Variants in CCSER2 observed in about 807,000 individuals in gnomAD.
The protein encoded by CCSER2 is serine-rich coiled-coil domain-containing protein 2.
Under a neutral mutation model 92.3 loss-of-function variants are expected in CCSER2, and 46 were observed. The observed-to-expected ratio is 0.50, with a 90% CI of 0.39 to 0.64. CCSER2 has a LOEUF of 0.64. Among genes scored for constraint, CCSER2 ranks in the 30% least tolerant of loss-of-function variants. The pLI, the probability that CCSER2 is intolerant of heterozygous loss-of-function variation, is 0.00. For synonymous variants in CCSER2, 433 were observed against 431.4 expected (o/e 1.00, Z -0.04); for missense variants, 1,244 against 1,238.9 (o/e 1.00, Z -0.06).
chr10:84,472,846 T>A (rs1846899826), intron 8 of CCSER2, among the ~76,000 whole-genome samples: 1 of 152,208 alleles, frequency 6.6e-6, no homozygotes, highest in Non-Finnish European at 1.5e-5. Context: ...CAATTAATAG[T>A]AATTCCTTAA....
At chr10:84,509,385 T>C (rs1446472708) in intron 9 of CCSER2, among the ~76,000 whole-genome samples, 1 of 152,102 alleles carries the variant, frequency 6.6e-6, no homozygotes, top group Non-Finnish European at 1.5e-5. Context: ...TAACGAAAAA[T>C]GAATAAAGCA....
chr10:84,358,259 T>A (rs942994710), intron 1 of CCSER2, among the ~76,000 whole-genome samples: 1 of 152,200 alleles, frequency 6.6e-6, no homozygotes, highest in Non-Finnish European at 1.5e-5. Context: ...AAAGAGTTGG[T>A]CAGTTCAGAG....
At chr10:84,378,355 G>A (rs887535698) in intron 3 of CCSER2, among the ~76,000 whole-genome samples, 7 of 150,854 alleles carry the variant, frequency 4.6e-5, no homozygotes, top group African/African-American at 1.2e-4. Flanking sequence ...TCACTTGGTC[G>A]TGATGTATTA....
At chr10:84,462,835 T>G (rs1589734215) in intron 6 of CCSER2, among the ~76,000 whole-genome samples, 1 of 152,326 alleles carries the variant, frequency 6.6e-6, no homozygotes, top group Admixed American at 6.5e-5. Flanking sequence ...ATAACCTGCA[T>G]GCTCACCTCC....
intron 1 of CCSER2, among the ~76,000 whole-genome samples, chr10:84,356,470 GCA>G (rs1383186956): frequency 1.3e-5 from 2 of 152,118 alleles, no homozygotes; most frequent in African/African-American, 4.8e-5. Flanking sequence ...TATTTGAAGA[GCA>G]CAGTCATACT....
chr10:84,485,262 C>T (rs1333140611), intron 9 of CCSER2, among the ~76,000 whole-genome samples: 16 of 152,072 alleles, frequency 1.1e-4, no homozygotes, highest in Admixed American at 1.0e-3. Flanking sequence ...TGTGTAGTAA[C>T]TGTGCCATTT....
chr10:84,425,604 C>CAT (rs1843386275), intron 4 of CCSER2, 127 bp from the exon 5 acceptor site: 1 of 575,458 alleles, frequency 1.7e-6, no homozygotes, highest in Admixed American at 4.1e-5. Flanking sequence ...TTGTGATTAA[C>CAT]ATAAATGGCT....
At chr10:84,482,090 CAAT>C (rs975663640) in intron 9 of CCSER2, among the ~76,000 whole-genome samples, 18 of 151,676 alleles carry the variant, frequency 1.2e-4, no homozygotes, top group Admixed American at 1.2e-3. Flanking sequence ...CTACCTAGAA[CAAT>C]AAGTAAAGGG....
chr10:84,483,604 A>G (rs1847583258), intron 9 of CCSER2, among the ~76,000 whole-genome samples: 1 of 151,416 alleles, frequency 6.6e-6, no homozygotes, highest in African/African-American at 2.4e-5. Flanking sequence ...AAAGAACTCC[A>G]CTCTATTTTT....
At chr10:84,459,843 A>G (rs1255400138) in intron 6 of CCSER2, among the ~76,000 whole-genome samples, 1 of 151,574 alleles carries the variant, frequency 6.6e-6, no homozygotes, top group Non-Finnish European at 1.5e-5. Flanking sequence ...GATGAACTTT[A>G]TCAGGTTGAG....
chr10:84,503,938 T>G (rs1222085588), intron 9 of CCSER2, among the ~76,000 whole-genome samples: 1 of 152,218 alleles, frequency 6.6e-6, no homozygotes, highest in Admixed American at 6.5e-5. Context: ...CAGGGGGTGT[T>G]TCACAAACAT....
Position 84,405,871 on chromosome 10 carries a change from C to T in CCSER2, c.1615-11900C>T, listed in dbSNP as rs117997634. On this transcript the variant is annotated intron_variant, in intron 3 of 9. Coordinates refer to ENST00000372088, the MANE Select transcript of CCSER2 (RefSeq NM_001284240.2). ...TGATATGTGGAATGTTACAGCAACT[C>T]TGGGAAATGACCTAGCAGTTTCTTG... is the stretch of plus-strand genomic sequence containing the variant. 7.2e-5 allele frequency among the ~76,000 whole-genome samples: 11 copies of T among 152,296 alleles called. No homozygotes were observed. The East Asian group carries it at 2.1e-3, about 29-fold the overall frequency.
intron 6 of CCSER2, among the ~76,000 whole-genome samples, chr10:84,450,921 A>G (rs1201229859): frequency 6.6e-6 from 1 of 152,228 alleles, no homozygotes; most frequent in Non-Finnish European, 1.5e-5. Context: ...TGTGTTGTAT[A>G]AAGATTGTAC....
intron 2 of CCSER2, among the ~76,000 whole-genome samples, 171 bp downstream of exon 2, chr10:84,372,640 A>G (rs1846127166): frequency 6.6e-6 from 1 of 152,020 alleles, no homozygotes; most frequent in Non-Finnish European, 1.5e-5. Flanking sequence ...TTTGCTCCAT[A>G]CCCCATTTTT....
At chr10:84,337,717 A>G (rs530585338) in intron 1 of CCSER2, among the ~76,000 whole-genome samples, 2 of 152,316 alleles carry the variant, frequency 1.3e-5, no homozygotes, top group African/African-American at 4.8e-5. Flanking sequence ...GTCTCAATCA[A>G]TTTAGAAGTT....
chr10:84,435,638 C>CAAAAAAAAAAAAAAAAAAAAAAAAA (rs5786657), intron 5 of CCSER2, among the ~76,000 whole-genome samples: 2 of 106,840 alleles, frequency 1.9e-5, no homozygotes, highest in African/African-American at 3.9e-5. Flanking sequence ...CCATTCAGTG[C>CAAAAAAAAAAAAAAAAAAAAAAAAA]AAAAAAAAAA....
Position 84,417,848 on chromosome 10 carries a change from A to C in CCSER2, c.1692A>C (p.Ala564=). The change falls in exon 4 of 10, where the codon GCA becomes GCC. Residue 564 remains alanine, a synonymous_variant. Coordinates refer to ENST00000372088, the MANE Select transcript of CCSER2 (RefSeq NM_001284240.2). ...TTGATGTGGATCTGCCTGAGGATGC[A>C]CCTCTTGAAAATGGTAAGTTGAGAC... ...LMLDVDLPED[A]PLENVECDNM... 6.4e-7 allele frequency: 1 copy of C among 1,559,426 alleles called. No homozygotes were observed. The highest frequency in any genetic ancestry group is 8.8e-7 in the Non-Finnish European group (1 of 1,130,402).
chr10:84,443,432 A>G (rs1248809683), intron 6 of CCSER2, among the ~76,000 whole-genome samples: 1 of 152,208 alleles, frequency 6.6e-6, no homozygotes, highest in Non-Finnish European at 1.5e-5. Context: ...GCAAATTAAA[A>G]CCACAATGAG....
intron 9 of CCSER2, among the ~76,000 whole-genome samples, chr10:84,490,640 T>C (rs538767981): frequency 1.5e-4 from 23 of 152,294 alleles, no homozygotes; most frequent in Non-Finnish European, 2.5e-4. Flanking sequence ...TAGCCATTCA[T>C]CTAATCTTTT....
Sources: gnomAD v4.1 joint callset for allele counts (sites outside exome capture counted in the v4.1 genomes callset) on GRCh38, gnomAD v4.1.1 for gene constraint, MANE v1.5 for transcripts, NCBI Gene and HGNC (gene_info 2026-07-23, HGNC 2026-07-21) for gene names.